RHOU: variants seen among roughly 807,000 people sequenced by gnomAD.
RHOU encodes rho-related GTP-binding protein RhoU.
RHOU carries 8 observed loss-of-function variants against 12.6 expected under a neutral mutation model. The ratio of observed to expected loss-of-function variants is 0.64; its 90% confidence interval spans 0.37 to 1.15. RHOU has a LOEUF of 1.15. Among genes scored for constraint, RHOU ranks in the 50% most tolerant of loss-of-function variants. The pLI, the probability that RHOU is intolerant of heterozygous loss-of-function variation, is 0.01. For synonymous variants in RHOU, 161 were observed against 147.4 expected (o/e 1.09, Z -0.67); for missense variants, 258 against 347.0 (o/e 0.74, Z 2.04).
the RHOU span, among the ~76,000 whole-genome samples, chr1:228,703,299 C>G: frequency 2.4e-4 from 36 of 152,006 alleles, no homozygotes; most frequent in East Asian, 6.4e-3. Context: ...GGCCGAGGCG[C>G]GCGGATCATG....
In RHOU at chr1:228,743,200, C is replaced by T. The variant is rs998643073; in HGVS notation, c.322-85C>T. The T allele has an allele frequency of 1.6e-6, 2 of 1,236,948 alleles. No individual in the cohort carries two copies. Among genetic ancestry groups the T allele is most frequent in the African/African-American group, 3.0e-5 (2 of 67,002 alleles). 76.6% of individuals were successfully genotyped at this position (1,236,948 alleles called of 1,614,324 possible). A position where few individuals can be genotyped will look rare whatever the true frequency, so the allele number is the denominator to read the frequency against. On this transcript the variant is annotated intron_variant, in intron 2 of 2. Coordinates refer to ENST00000366691, the MANE Select transcript of RHOU (RefSeq NM_021205.6). The surrounding 1 kb of genome is among the most constrained non-coding windows in gnomAD (Gnocchi z 5.1). The stretch of plus-strand genomic sequence containing the variant: ...AGCGGGTCTTCTATCACCTGCCAGA[C>T]CCTTTCATGAAAAATGTGAAGGTGA...
chr1:228,691,035 A>G, the RHOU span, among the ~76,000 whole-genome samples: 1 of 152,176 alleles, frequency 6.6e-6, no homozygotes, highest in South Asian at 2.1e-4. Flanking sequence ...GTTACTTGTA[A>G]AAGTTTGGTT....
chr1:228,697,119 T>C, the RHOU span, among the ~76,000 whole-genome samples: 2 of 152,184 alleles, frequency 1.3e-5, no homozygotes, highest in East Asian at 3.8e-4. Flanking sequence ...CAGTTAGATG[T>C]AATAAAAACA....
chr1:228,661,879 A>C, the RHOU span, among the ~76,000 whole-genome samples: 1 of 152,248 alleles, frequency 6.6e-6, no homozygotes, highest in Non-Finnish European at 1.5e-5. Flanking sequence ...AACTACCATC[A>C]GAGTGAACAG....
At chr1:228,693,046 CA>C in the RHOU span, among the ~76,000 whole-genome samples, 1 of 152,094 alleles carries the variant, frequency 6.6e-6, no homozygotes, top group East Asian at 1.9e-4. Context: ...AAGGGTACAA[CA>C]AGGGCCTTTT....
At chr1:228,701,817 T>A in the RHOU span, among the ~76,000 whole-genome samples, 20 of 151,766 alleles carry the variant, frequency 1.3e-4, no homozygotes, top group Non-Finnish European at 1.8e-4. Flanking sequence ...AGCTTTTTTT[T>A]AATCAAAGCA....
the RHOU span, among the ~76,000 whole-genome samples, chr1:228,716,328 G>A: frequency 6.6e-6 from 1 of 152,076 alleles, no homozygotes; most frequent in Non-Finnish European, 1.5e-5. Flanking sequence ...GTCCACTGTG[G>A]CATCCCACAA....
chr1:228,661,263 A>C, the RHOU span, among the ~76,000 whole-genome samples: 1 of 152,200 alleles, frequency 6.6e-6, no homozygotes, highest in Non-Finnish European at 1.5e-5. Context: ...GTACTGCCCA[A>C]GGTAATTTAT....
the RHOU span, among the ~76,000 whole-genome samples, chr1:228,658,990 G>T: frequency 6.6e-6 from 1 of 152,120 alleles, no homozygotes. Flanking sequence ...AGAAATGAAT[G>T]AAAATGAAAA....
chr1:228,721,411 C>A, the RHOU span, among the ~76,000 whole-genome samples: 5 of 152,166 alleles, frequency 3.3e-5, no homozygotes, highest in Non-Finnish European at 5.9e-5. Context: ...AAAGCAGAAA[C>A]AAGATATTTT....
At chr1:228,708,698 A>T in the RHOU span, among the ~76,000 whole-genome samples, 1 of 152,172 alleles carries the variant, frequency 6.6e-6, no homozygotes, top group African/African-American at 2.4e-5. Context: ...CAGCCGCTGC[A>T]AAATCATGCC....
the RHOU span, among the ~76,000 whole-genome samples, chr1:228,717,698 T>A: frequency 6.6e-6 from 1 of 152,238 alleles, no homozygotes; most frequent in South Asian, 2.1e-4. Context: ...TTTAGTGGAA[T>A]GATCTTACCA....
chr1:228,647,093 T>A, the RHOU span, among the ~76,000 whole-genome samples: 1 of 152,108 alleles, frequency 6.6e-6, no homozygotes, highest in African/African-American at 2.4e-5. Flanking sequence ...GCACCCTACT[T>A]CGGTAGGCAG....
At chr1:228,649,226 A>C in the RHOU span, among the ~76,000 whole-genome samples, 1 of 152,034 alleles carries the variant, frequency 6.6e-6, no homozygotes, top group Non-Finnish European at 1.5e-5. Context: ...ACCTGTTTAC[A>C]TTCCTCTATA....
chr1:228,710,017 G>C, the RHOU span, among the ~76,000 whole-genome samples: 1 of 152,140 alleles, frequency 6.6e-6, no homozygotes, highest in African/African-American at 2.4e-5. Context: ...TACCATAAGA[G>C]AATACTACAA....
chr1:228,680,990 T>C, the RHOU span, among the ~76,000 whole-genome samples: 2 of 152,086 alleles, frequency 1.3e-5, no homozygotes, highest in African/African-American at 2.4e-5. Context: ...CAGCGTGAGA[T>C]TGGGCTAGAG....
In RHOU at chr1:228,735,917, G is replaced by A. The variant is rs781323058; in HGVS notation, c.175G>A (p.Ala59Thr). Residue 59 changes from alanine (A) to threonine (T), a missense_variant, in exon 1 of 3, where the codon GCG becomes ACG. Coordinates refer to ENST00000366691, the MANE Select transcript of RHOU (RefSeq NM_021205.6). This position sits in a 1 kb window ranked among gnomAD's most constrained non-coding sequence, Gnocchi z 8.1. The stretch of plus-strand genomic sequence containing the variant: ...CAAGTGCGTGCTGGTCGGCGACGGC[G>A]CGGTGGGCAAGACGAGCCTGGTGGT... The part of the protein sequence containing the change: ...GVKCVLVGDG[A>T]VGKTSLVVSY... 6 of 1,562,424 alleles carry A rather than the reference G, an allele frequency of 3.8e-6. No individual in the cohort carries two copies. The East Asian group carries it at 1.6e-4, about 40-fold the overall frequency.
the RHOU span, among the ~76,000 whole-genome samples, chr1:228,664,086 A>G: frequency 6.9e-6 from 1 of 144,914 alleles, no homozygotes; most frequent in Non-Finnish European, 1.5e-5. Context: ...TGGCACTATC[A>G]CGGCTCACTG....
chr1:228,704,708 T>C, the RHOU span, among the ~76,000 whole-genome samples: 1 of 152,052 alleles, frequency 6.6e-6, no homozygotes, highest in South Asian at 2.1e-4. Flanking sequence ...ACCACCTGCC[T>C]TGGCCTCCCA....
Sources: allele counts gnomAD v4.1 joint callset (sites outside exome capture counted in the v4.1 genomes callset), GRCh38; gene constraint gnomAD v4.1.1; non-coding constraint Gnocchi (gnomAD v3.1); transcripts MANE v1.5; gene names NCBI Gene and HGNC (gene_info 2026-07-23, HGNC 2026-07-21).